TUT4: variants seen among roughly 807,000 people sequenced by gnomAD.
The protein encoded by TUT4 is terminal uridylyl transferase 4.
A neutral mutation model predicts 192.2 loss-of-function variants in TUT4; 36 were observed. The ratio of observed to expected loss-of-function variants is 0.19; its 90% CI spans 0.14 to 0.25. TUT4 has a LOEUF of 0.25. TUT4 is among the 10% of genes least tolerant of loss of function. The pLI, the probability that TUT4 is intolerant of heterozygous loss-of-function variation, is 1.00. For missense variants in TUT4, 1,493 were observed against 1,957.2 expected (o/e 0.76, Z 4.47); for synonymous variants, 618 against 666.0 (o/e 0.93, Z 1.11).
At chr1:52,528,474 G>A (rs924994313) in intron 1 of TUT4, among the ~76,000 whole-genome samples, 1 of 144,434 alleles carries the variant, frequency 6.9e-6, no homozygotes. Flanking sequence ...CTGGGCAACA[G>A]AGTGAGACCC....
intron 5 of TUT4, among the ~76,000 whole-genome samples, chr1:52,496,023 G>A (rs1224086405): frequency 6.6e-6 from 1 of 151,906 alleles, no homozygotes; most frequent in Non-Finnish European, 1.5e-5. Flanking sequence ...AGAAAAAAAA[G>A]AAAAGCAGTA....
In TUT4 at chr1:52,446,678, AAATT is replaced by A; in HGVS notation, c.3436-15_3436-12del. The A allele has an allele frequency of 6.3e-7, 1 of 1,592,212 alleles. No individual in the cohort carries two copies. Among genetic ancestry groups the A allele is most frequent in the Non-Finnish European group, 8.5e-7 (1 of 1,170,086 alleles). On this transcript the variant is annotated splice_polypyrimidine_tract_variant and intron_variant, in intron 20 of 29. Transcript: ENST00000257177. The stretch of plus-strand genomic sequence containing the variant: ...TTTTCCATCAAAGATCTGCATAAAA[AAATT>A]AATTGTATTATTAGATTTCAAGTGA...
intron 24 of TUT4, among the ~76,000 whole-genome samples, chr1:52,443,496 G>A (rs950210934): frequency 1.3e-5 from 2 of 152,030 alleles, no homozygotes; most frequent in African/African-American, 4.8e-5. Flanking sequence ...GGCCGAGGCA[G>A]GAGAATCGCT....
intron 1 of TUT4, among the ~76,000 whole-genome samples, chr1:52,551,792 G>C (rs1195968327): frequency 6.6e-6 from 1 of 151,654 alleles, no homozygotes; most frequent in Non-Finnish European, 1.5e-5. Context: ...TATCTGGCTG[G>C]GATTATCCAA....
chr1:52,526,022 C>G lies in TUT4; in HGVS notation c.259G>C (p.Gly87Arg). Residue 87 changes from glycine to arginine, a missense_variant, in exon 2 of 30, where the codon GGG (glycine) becomes CGG (arginine). By Grantham distance (125) the Gly-to-Arg change is moderately radical. Transcript: ENST00000257177. ...AANLPGPKDL[G>R]LVLRDQSHCK... is the part of the protein sequence containing the mutation. Reference sequence around the variant, plus strand: ...TGACTTTGATCTCGAAGGACTAACCCCAAATCTTTAGGACCTGGAAGGTTG... The same window carrying G: ...TGACTTTGATCTCGAAGGACTAACCGCAAATCTTTAGGACCTGGAAGGTTG... The G allele has an allele frequency of 6.2e-7, 1 of 1,613,752 alleles. No homozygotes were observed. The highest frequency in any genetic ancestry group is 1.1e-5 in the South Asian group (1 of 90,894).
intron 9 of TUT4, among the ~76,000 whole-genome samples, chr1:52,484,335 A>C (rs1436602789): frequency 6.6e-6 from 1 of 152,244 alleles, no homozygotes. Flanking sequence ...GTTATAAGTA[A>C]TCTAGTGATG....
At chr1:52,551,682 G>A (rs188312478) in intron 1 of TUT4, among the ~76,000 whole-genome samples, 193 of 148,622 alleles carry the variant, frequency 1.3e-3, no homozygotes, top group African/African-American at 4.8e-3. Flanking sequence ...GCGCGCTCGC[G>A]CGCGCACACA....
At position 52,464,575 on chromosome 1, in the gene TUT4, T is replaced by C. The variant is rs112334824; in HGVS notation, c.3069+495A>G. Among the ~76,000 whole-genome samples the C allele has an allele frequency of 5.2e-3, 787 of 152,240 alleles. 3 individuals carry two copies. The highest frequency in any genetic ancestry group is 0.014 in the Middle Eastern group (4 of 294). ...AGCCCTTAGCATATCATCTGTAACA[T>C]TGCTTCTATGGAAAAAATTTTATGT... On this transcript the variant is annotated intron_variant, in intron 16 of 29. Transcript: ENST00000257177.
At chr1:52,431,498 A>G in intron 27 of TUT4, 38 bp from the exon 28 acceptor site, 1 of 1,356,024 alleles carries the variant, frequency 7.4e-7, no homozygotes, top group South Asian at 1.7e-5. Flanking sequence ...ATTAATTTAT[A>G]AACATCTTAA....
intron 26 of TUT4, 40 bp downstream of exon 26, chr1:52,436,715 T>C: frequency 6.2e-7 from 1 of 1,610,056 alleles, no homozygotes; most frequent in Non-Finnish European, 8.5e-7. Flanking sequence ...ATAAATGACT[T>C]CGTTTCTACC....
intron 24 of TUT4, among the ~76,000 whole-genome samples, chr1:52,445,060 T>C (rs1317491983): frequency 6.6e-6 from 1 of 151,516 alleles, no homozygotes; most frequent in Non-Finnish European, 1.5e-5. Context: ...TGTCTGTGTA[T>C]ATATATAATA....
At position 52,468,204 on chromosome 1, in the gene TUT4, T is replaced by C. The variant is rs148952733; in HGVS notation, c.2942A>G (p.Lys981Arg). The C allele has an allele frequency of 2.1e-5, 34 of 1,610,948 alleles. No homozygotes were observed. The African/African-American group carries it at 3.6e-4, about 17-fold the overall frequency. The change falls in exon 15 of 30, where the codon AAG (lysine) becomes AGG (arginine). Residue 981 changes from lysine (K) to arginine (R), a missense_variant. Coordinates refer to ENST00000257177, the MANE Select transcript of TUT4 (RefSeq NM_001009881.3). ...NREQILIGLE[K>R]FIQKEYDEKA... is the part of the protein sequence containing the mutation. ...ACCATCATATTCTTTTTGAATAAAC[T>C]TTTCCAAGCCAATTAAAATTTGCTC...
rs1012772379 is a variant in TUT4 at position 52,461,900 on chromosome 1, G to T, written c.3070-131C>A. Reference sequence around the variant, plus strand: ...CTCTATAATAACCTTGCTACTCCAAGTAAGTGATTCATAGACCTACAGTAT... The same window carrying T: ...CTCTATAATAACCTTGCTACTCCAATTAAGTGATTCATAGACCTACAGTAT... On this transcript the variant is annotated intron_variant, in intron 16 of 29. Coordinates refer to ENST00000257177, the MANE Select transcript of TUT4 (RefSeq NM_001009881.3). 2.8e-5 allele frequency: 16 copies of T among 579,400 alleles called. 1 individual carries two copies. Among genetic ancestry groups the T allele is most frequent in the African/African-American group, 2.6e-4 (14 of 53,294 alleles). The allele number at this position is 579,400 out of a possible 1,614,324, so 35.9% of individuals were successfully genotyped here.
chr1:52,444,623 T>G (rs2148423098), intron 24 of TUT4, among the ~76,000 whole-genome samples: 1 of 150,430 alleles, frequency 6.6e-6, no homozygotes, highest in Admixed American at 6.8e-5. Flanking sequence ...GTCAGTGGGC[T>G]GGGGAAGGCA....
At chr1:52,516,143 G>A in intron 2 of TUT4, 89 bp from the exon 3 acceptor site, 1 of 1,008,042 alleles carries the variant, frequency 9.9e-7, no homozygotes, top group East Asian at 2.6e-5. Flanking sequence ...TTTATACACA[G>A]AAAAAATATT....
At chr1:52,492,260 A>C (rs1197875490) in intron 7 of TUT4, among the ~76,000 whole-genome samples, 1 of 152,194 alleles carries the variant, frequency 6.6e-6, no homozygotes, top group Non-Finnish European at 1.5e-5. Flanking sequence ...AATGGCCAAC[A>C]GGAAACTGAT....
intron 26 of TUT4, among the ~76,000 whole-genome samples, chr1:52,436,021 T>A (rs1262444786): frequency 6.6e-6 from 1 of 152,134 alleles, no homozygotes; most frequent in Non-Finnish European, 1.5e-5. Flanking sequence ...TTTAATAAAC[T>A]CTTACTTGGG....
At chr1:52,444,191 G>A (rs1224350130) in intron 24 of TUT4, among the ~76,000 whole-genome samples, 2 of 151,476 alleles carry the variant, frequency 1.3e-5, no homozygotes, top group Non-Finnish European at 2.9e-5. Flanking sequence ...CCAAGATCAC[G>A]CCACTGCACT....
chr1:52,519,739 C>T (rs922698996), intron 2 of TUT4, among the ~76,000 whole-genome samples: 7 of 152,128 alleles, frequency 4.6e-5, no homozygotes, highest in Admixed American at 2.6e-4. Context: ...GAACCCCTGA[C>T]CACAGGTGAT....
Sources: gnomAD v4.1 joint callset for allele counts (sites outside exome capture counted in the v4.1 genomes callset) on GRCh38, gnomAD v4.1.1 for gene constraint, MANE v1.5 for transcripts, NCBI Gene and HGNC (gene_info 2026-07-23, HGNC 2026-07-21) for gene names.